Variants in TMEM245 observed in about 807,000 individuals in gnomAD.
TMEM245 encodes the protein transmembrane protein 245, also known as protein CG-2.
TMEM245 carries 69 observed loss-of-function variants against 101.2 expected under a neutral mutation model. That is an observed-to-expected ratio of 0.68 (90% CI 0.56 to 0.83). The LOEUF is 0.83. Among genes scored for constraint, TMEM245 ranks in the 40% least tolerant of loss-of-function variants. TMEM245 has a pLI of 0.00. For synonymous variants in TMEM245, 537 were observed against 449.8 expected (o/e 1.19, Z -2.45); for missense variants, 1,075 against 1,092.8 (o/e 0.98, Z 0.23).
intron 14 of TMEM245, among the ~76,000 whole-genome samples, chr9:109,049,613 G>A (rs1005936474): frequency 6.6e-6 from 1 of 152,136 alleles, no homozygotes; most frequent in Admixed American, 6.5e-5. Context: ...GATCACTTAA[G>A]GTTAGGAGTT....
At chr9:109,059,248 A>C (rs991244008) in intron 11 of TMEM245, among the ~76,000 whole-genome samples, 6 of 152,194 alleles carry the variant, frequency 3.9e-5, no homozygotes, top group Non-Finnish European at 8.8e-5. Context: ...ATAAAAACTA[A>C]CAATCTTCCT....
intron 8 of TMEM245, 101 bp downstream of exon 8, chr9:109,080,738 C>G: frequency 1.4e-6 from 1 of 730,622 alleles, no homozygotes; most frequent in Non-Finnish European, 2.3e-6. Flanking sequence ...ACTTTTAAAT[C>G]AAGTTAACAT....
At chr9:109,089,622 A>T (rs58795279) in intron 5 of TMEM245, among the ~76,000 whole-genome samples, 33,605 of 152,128 alleles carry the variant, frequency 0.22, 4,530 homozygotes, top group Admixed American at 0.3. Context: ...AGAGAGCCCA[A>T]ATAATCAGGA....
chr9:109,111,039 C>G (rs1488181238), intron 1 of TMEM245, among the ~76,000 whole-genome samples: 2 of 147,444 alleles, frequency 1.4e-5, no homozygotes, highest in Non-Finnish European at 3.0e-5. Flanking sequence ...AAATAGAAAT[C>G]ACAACATGAT....
intron 14 of TMEM245, among the ~76,000 whole-genome samples, chr9:109,048,199 T>A (rs1341380673): frequency 6.6e-6 from 1 of 152,130 alleles, no homozygotes; most frequent in African/African-American, 2.4e-5. Flanking sequence ...TTTTTTTTAA[T>A]CCCACTTGAC....
chr9:109,055,717 C>T (rs746169421), intron 12 of TMEM245, among the ~76,000 whole-genome samples: 5 of 151,954 alleles, frequency 3.3e-5, no homozygotes, highest in Non-Finnish European at 5.9e-5. Context: ...TCACCGCACC[C>T]TCCGCCTCCC....
intron 9 of TMEM245, among the ~76,000 whole-genome samples, chr9:109,066,758 CAAAAGTGTGAAG>C (rs1829182564): frequency 6.6e-6 from 1 of 151,694 alleles, no homozygotes; most frequent in East Asian, 1.9e-4. Flanking sequence ...TAGTGTTATT[CAAAAGTGTGAAG>C]ATGGGCAGGG....
At chr9:109,095,701 T>C (rs564091343) in intron 3 of TMEM245, among the ~76,000 whole-genome samples, 1 of 152,302 alleles carries the variant, frequency 6.6e-6, no homozygotes, top group South Asian at 2.1e-4. Flanking sequence ...TCATATGCAG[T>C]TGCAAGAAAT....
chr9:109,037,409 T>C (rs1828163438), intron 15 of TMEM245, among the ~76,000 whole-genome samples: 1 of 152,214 alleles, frequency 6.6e-6, no homozygotes, highest in African/African-American at 2.4e-5. Context: ...CGGGTTTGGA[T>C]CTGTGTCCCC....
intron 6 of TMEM245, among the ~76,000 whole-genome samples, 194 bp from the exon 7 acceptor site, chr9:109,086,214 T>C (rs1044118896): frequency 2.6e-5 from 4 of 152,200 alleles, no homozygotes; most frequent in Admixed American, 2.0e-4. Flanking sequence ...CTTTAAGATA[T>C]ATAATGATTG....
intron 12 of TMEM245, among the ~76,000 whole-genome samples, chr9:109,051,464 T>C (rs941456141): frequency 6.6e-6 from 1 of 152,146 alleles, no homozygotes; most frequent in African/African-American, 2.4e-5. Flanking sequence ...TCATAGAGTG[T>C]ACTGATACAA....
At chr9:109,111,587 TCTA>T (rs1255419959) in intron 1 of TMEM245, among the ~76,000 whole-genome samples, 2 of 152,286 alleles carry the variant, frequency 1.3e-5, no homozygotes, top group East Asian at 3.9e-4. Context: ...ACTCCCCAAT[TCTA>T]CTTTTAGGAG....
At chr9:109,038,972 T>C (rs963679102) in intron 14 of TMEM245, 1 of 152,186 alleles carries the variant, frequency 6.6e-6, no homozygotes, top group African/African-American at 2.4e-5. Flanking sequence ...CTGGACTCTA[T>C]GGGGTGGTGC....
chr9:109,050,092 C>T (rs771859995), intron 14 of TMEM245, among the ~76,000 whole-genome samples, 191 bp downstream of exon 14: 2 of 152,212 alleles, frequency 1.3e-5, no homozygotes, highest in Non-Finnish European at 2.9e-5. Flanking sequence ...TGTACCTGGC[C>T]TGAATCTTTT....
At position 109,061,753 on chromosome 9, in the gene TMEM245, G is replaced by A. The variant is rs139860651; in HGVS notation, c.1624-1301C>T. ...CCAGTTAATTTTTGTATTTTTAGTA[G>A]AGATGGGGTTTCACCATGTTGGCCA... On this transcript the variant is annotated intron_variant, in intron 10 of 17. Transcript: ENST00000374586. Among the ~76,000 whole-genome samples the A allele has an allele frequency of 7.8e-3, 1,193 of 152,092 alleles. 45 individuals carry two copies. Among genetic ancestry groups the A allele is most frequent in the Admixed American group, 0.066 (1,008 of 15,254 alleles).
rs1564211354 is a variant in TMEM245, at chr9:109,108,433, A to G, written c.697+20T>C. The G allele has an allele frequency of 1.4e-6, 2 of 1,412,048 alleles. No individual in the cohort carries two copies. The highest frequency in any genetic ancestry group is 1.9e-6 in the Non-Finnish European group (2 of 1,050,926). 87.5% of individuals were successfully genotyped at this position (1,412,048 alleles called of 1,614,324 possible). On this transcript the variant is annotated intron_variant, in intron 2 of 17. Transcript: ENST00000374586. ...TTAGGCTAGACTTAAAAAAAAAAAA[A>G]AAAAAAAGAAGGAACCCACCTAAAT...
intron 4 of TMEM245, among the ~76,000 whole-genome samples, chr9:109,093,238 G>C (rs1254614236): frequency 6.6e-6 from 1 of 151,808 alleles, no homozygotes; most frequent in African/African-American, 2.4e-5. Context: ...TTTTAAAAAG[G>C]AAAGAACAAA....
rs1828642170 is a variant in TMEM245 at position 109,050,501 on chromosome 9, G to C, written c.1977+69C>G. 1.9e-6 allele frequency: 3 copies of C among 1,612,088 alleles called. No individual in the cohort carries two copies. In the South Asian group the frequency reaches 3.3e-5, roughly 18 times the overall value. Reference sequence around the variant, plus strand: ...TATAGGAAGACAGACATCTGCAATTGCAAATGAAACCAGAAATATGCTTTA... The same window carrying C: ...TATAGGAAGACAGACATCTGCAATTCCAAATGAAACCAGAAATATGCTTTA... On this transcript the variant is annotated intron_variant, in intron 13 of 17. Transcript: ENST00000374586.
At chr9:109,028,759 A>G (rs531339943) in intron 17 of TMEM245, among the ~76,000 whole-genome samples, 1 of 152,302 alleles carries the variant, frequency 6.6e-6, no homozygotes, top group African/African-American at 2.4e-5. Flanking sequence ...CAAAAACCCA[A>G]ATTATCAGCT....
Sources: allele counts gnomAD v4.1 joint callset (sites outside exome capture counted in the v4.1 genomes callset), GRCh38; gene constraint gnomAD v4.1.1; transcripts MANE v1.5; gene names NCBI Gene and HGNC (gene_info 2026-07-23, HGNC 2026-07-21).